Variants in UBE2W observed in about 807,000 individuals in gnomAD.
UBE2W encodes ubiquitin-conjugating enzyme E2 W.
Under a neutral mutation model 27.2 loss-of-function variants are expected in UBE2W, and 18 were observed. That is an observed-to-expected ratio of 0.66 (90% CI 0.46 to 0.98). The LOEUF (loss-of-function observed/expected upper bound fraction) is 0.98. UBE2W is among the 50% of genes least tolerant of loss of function. The probability of loss-of-function intolerance (pLI) is 0.00; values close to 1 mark genes in which losing one functional copy is unlikely to be tolerated. For missense variants in UBE2W, 90 were observed against 180.2 expected (o/e 0.50, Z 2.87); for synonymous variants, 53 against 57.2 (o/e 0.93, Z 0.33).
intron 3 of UBE2W, among the ~76,000 whole-genome samples, chr8:73,814,927 T>C (rs1001729907): frequency 2.0e-5 from 3 of 152,212 alleles, no homozygotes; most frequent in Non-Finnish European, 4.4e-5. Context: ...TCAGGGTATG[T>C]ATCATTTTGG....
intron 1 of UBE2W, among the ~76,000 whole-genome samples, chr8:73,878,313 G>A (rs1386033430): frequency 6.6e-6 from 1 of 152,250 alleles, no homozygotes; most frequent in Non-Finnish European, 1.5e-5. Flanking sequence ...GGCCGGAGCA[G>A]AGGCCGCTAA....
chr8:73,816,382 A>G (rs1809384966), intron 3 of UBE2W, among the ~76,000 whole-genome samples: 1 of 152,230 alleles, frequency 6.6e-6, no homozygotes, highest in Non-Finnish European at 1.5e-5. Context: ...AAGACTTTGG[A>G]AAGCTTGAAC....
At chr8:73,851,239 A>C (rs536530684) in intron 1 of UBE2W, among the ~76,000 whole-genome samples, 2 of 151,922 alleles carry the variant, frequency 1.3e-5, no homozygotes, top group East Asian at 3.9e-4. Flanking sequence ...GAAGGGAAAG[A>C]AAGCAACAGG....
chr8:73,804,746 A>G (rs1808797955), intron 5 of UBE2W, among the ~76,000 whole-genome samples: 1 of 150,736 alleles, frequency 6.6e-6, no homozygotes. Flanking sequence ...TCCTTTGGAG[A>G]TAGAGTCTCA....
intron 1 of UBE2W, among the ~76,000 whole-genome samples, chr8:73,865,180 C>CAAAAAAAAAAAAAAAAAAAAAAAAAAA (rs11354153): frequency 3.0e-5 from 1 of 32,856 alleles, no homozygotes; most frequent in African/African-American, 8.4e-5. Context: ...GTGCAAACGT[C>CAAAAAAAAAAAAAAAAAAAAAAAAAAA]AAAAAAAAAA....
chr8:73,782,129 A>G (rs1402081711), downstream of UBE2W, among the ~76,000 whole-genome samples: 10 of 148,078 alleles, frequency 6.8e-5, no homozygotes, highest in Admixed American at 6.7e-4. Flanking sequence ...TTGTATTTTT[A>G]GAAGAGACGG....
In UBE2W at chr8:73,791,152, G is replaced by C; in HGVS notation, c.*2950C>G. On this transcript the variant is annotated 3_prime_UTR_variant, in exon 6 of 6. Coordinates refer to ENST00000602593, the MANE Select transcript of UBE2W (RefSeq NM_018299.6). ...TTATATATTACAAGTAAGTCCTTCAGAAGTGAATATTAATTCCTTAAGAGA... is the reference window on the plus strand; with the variant it reads ...TTATATATTACAAGTAAGTCCTTCACAAGTGAATATTAATTCCTTAAGAGA... 3.1e-6 allele frequency: 3 copies of C among 982,796 alleles called. No homozygotes were observed. The highest frequency in any genetic ancestry group is 3.6e-6 in the Non-Finnish European group (3 of 828,202). 60.9% of individuals were successfully genotyped at this position (982,796 alleles called of 1,614,324 possible).
At chr8:73,811,394 T>TA (rs1809144534) in intron 3 of UBE2W, among the ~76,000 whole-genome samples, 1 of 152,186 alleles carries the variant, frequency 6.6e-6, no homozygotes, top group Non-Finnish European at 1.5e-5. Context: ...TAGTTTTTCT[T>TA]AAACTTATTT....
In UBE2W at chr8:73,791,369, T is replaced by C. The variant is rs1808186523; in HGVS notation, c.*2733A>G. On this transcript the variant is annotated 3_prime_UTR_variant, in exon 6 of 6. Transcript: ENST00000602593. The stretch of plus-strand genomic sequence containing the variant: ...AATAGAATTTGGCAAACCAGAAGAA[T>C]GGCCTAAAAATAAATAAATAAATAA... 1.0e-6 allele frequency: 1 copy of C among 982,854 alleles called. No individual in the cohort carries two copies. The highest frequency in any genetic ancestry group is 1.2e-6 in the Non-Finnish European group (1 of 828,424). The allele number at this position is 982,854 out of a possible 1,614,324, so 60.9% of individuals were successfully genotyped here. A position where few individuals can be genotyped will look rare whatever the true frequency, so the allele number is the denominator to read the frequency against.
rs1808432367 is a variant in UBE2W, at chr8:73,796,638, G to T, written c.443-2523C>A. On this transcript the variant is annotated intron_variant, in intron 5 of 5. Coordinates refer to ENST00000602593, the MANE Select transcript of UBE2W (RefSeq NM_018299.6). ...ATACCCTCGTTTTGAAGAAACAAAT[G>T]ATCTGTAACAGCTAGATCAACAGGG... 7.1e-6 allele frequency: 7 copies of T among 984,678 alleles called. No individual in the cohort carries two copies. In the South Asian group the frequency reaches 2.8e-4, roughly 40 times the overall value. The allele number at this position is 984,678 out of a possible 1,614,324, so 61.0% of individuals were successfully genotyped here.
chr8:73,800,544 T>C (rs1275202212), intron 5 of UBE2W, among the ~76,000 whole-genome samples: 1 of 152,106 alleles, frequency 6.6e-6, no homozygotes, highest in Non-Finnish European at 1.5e-5. Flanking sequence ...AAATAGCTCA[T>C]TTGCATTGGG....
At chr8:73,864,704 G>A (rs1811671418) in intron 1 of UBE2W, among the ~76,000 whole-genome samples, 1 of 140,228 alleles carries the variant, frequency 7.1e-6, no homozygotes, top group Admixed American at 7.8e-5. Flanking sequence ...AGCCTCCCGA[G>A]TAGCTGGGAT....
At chr8:73,830,285 G>T (rs1169566758) in intron 2 of UBE2W, 96 bp downstream of exon 2, 1 of 861,596 alleles carries the variant, frequency 1.2e-6, no homozygotes, top group South Asian at 1.6e-5. Context: ...GTGAAAGAAT[G>T]AAATGTGAAA....
intron 1 of UBE2W, among the ~76,000 whole-genome samples, chr8:73,842,181 A>G (rs12679864): frequency 0.097 from 14,776 of 152,166 alleles, 1,165 homozygotes; most frequent in East Asian, 0.37. Context: ...TATATCCATC[A>G]ATAGGTAAAT....
chr8:73,866,040 G>A (rs1811741197), intron 1 of UBE2W, among the ~76,000 whole-genome samples: 1 of 151,940 alleles, frequency 6.6e-6, no homozygotes, highest in Non-Finnish European at 1.5e-5. Context: ...CACTTTGGAA[G>A]GCCAAGGCAG....
intron 1 of UBE2W, among the ~76,000 whole-genome samples, chr8:73,875,867 T>C (rs1480940041): frequency 6.6e-6 from 1 of 152,036 alleles, no homozygotes; most frequent in Admixed American, 6.5e-5. Flanking sequence ...CTGGCCAACA[T>C]GGCAAAACCC....
rs986786154 is a variant in UBE2W at position 73,878,428 on chromosome 8, T to G, written c.15+380A>C. On this transcript the variant is annotated intron_variant, in intron 1 of 5. Transcript: ENST00000602593. ...GGCAACAACCGCGGGCGCAGCTGTTTCCGTCGGGCCAGGGACAGCGGGGGT... is the reference window on the plus strand; with the variant it reads ...GGCAACAACCGCGGGCGCAGCTGTTGCCGTCGGGCCAGGGACAGCGGGGGT... 3.9e-5 allele frequency among the ~76,000 whole-genome samples: 6 copies of G among 152,274 alleles called. No homozygotes were observed. The East Asian group carries it at 1.2e-3, about 29-fold the overall frequency.
intron 3 of UBE2W, among the ~76,000 whole-genome samples, chr8:73,822,592 C>T (rs1451899872): frequency 4.6e-5 from 4 of 86,176 alleles, no homozygotes; most frequent in Non-Finnish European, 6.6e-5. Context: ...TCTATTAAAT[C>T]TTGCAACTGC....
chr8:73,839,580 C>T (rs1178206455), intron 1 of UBE2W, among the ~76,000 whole-genome samples: 1 of 151,554 alleles, frequency 6.6e-6, no homozygotes, highest in Non-Finnish European at 1.5e-5. Flanking sequence ...TCTCTTGAAC[C>T]CAGGAGGCAG....
Sources: gnomAD v4.1 joint callset for allele counts (sites outside exome capture counted in the v4.1 genomes callset) on GRCh38, gnomAD v4.1.1 for gene constraint, MANE v1.5 for transcripts, NCBI Gene and HGNC (gene_info 2026-07-23, HGNC 2026-07-21) for gene names.